CLEC9A: variants seen among roughly 807,000 people sequenced by gnomAD.
CLEC9A encodes C-type lectin domain containing 9A, also known as C-type lectin domain family 9 member A.
A neutral mutation model predicts 30.0 loss-of-function variants in CLEC9A; 24 were observed. The ratio of observed to expected loss-of-function variants is 0.80; its 90% CI spans 0.58 to 1.13. CLEC9A has a LOEUF of 1.13. CLEC9A is among the 50% of genes most tolerant of loss of function. CLEC9A has a pLI of 0.00. For synonymous variants in CLEC9A, 111 were observed against 96.8 expected, an observed-to-expected ratio of 1.15 and a Z score of -0.86; for missense variants, 251 against 280.9, an observed-to-expected ratio of 0.89 and a Z score of 0.76.
At position 10,065,686 on chromosome 12, in the gene CLEC9A, G is replaced by A; in HGVS notation, c.*54G>A. The A allele has an allele frequency of 1.3e-6, 2 of 1,584,560 alleles. No homozygotes were observed. Among genetic ancestry groups the A allele is most frequent in the East Asian group, 2.3e-5 (1 of 43,850 alleles). On this transcript the variant is annotated 3_prime_UTR_variant, in exon 9 of 9. Coordinates refer to ENST00000355819, the MANE Select transcript of CLEC9A (RefSeq NM_207345.4). ...CACTGTTATTTGGAGCATGCCATTG[G>A]AAAACCCACCCCCACCCCCCCTCAA...
rs1866040203 is a variant in CLEC9A, at chr12:10,065,715, A to T, written c.*83A>T. 1 of 1,525,676 alleles carries T rather than the reference A, an allele frequency of 6.6e-7. No individual in the cohort carries two copies. Among genetic ancestry groups the T allele is most frequent in the African/African-American group, 1.4e-5 (1 of 71,850 alleles). The allele number at this position is 1,525,676 out of a possible 1,614,324, so 94.5% of individuals were successfully genotyped here. On this transcript the variant is annotated 3_prime_UTR_variant, in exon 9 of 9. Coordinates refer to ENST00000355819, the MANE Select transcript of CLEC9A (RefSeq NM_207345.4). ...ACCCACCCCCACCCCCCCTCAAAAAAACAGAACAGTAAACCAAAATGTGGG... is the reference window on the plus strand; with the variant it reads ...ACCCACCCCCACCCCCCCTCAAAAATACAGAACAGTAAACCAAAATGTGGG...
At chr12:10,057,976 G>T (rs886822972) in intron 5 of CLEC9A, among the ~76,000 whole-genome samples, 13 of 151,904 alleles carry the variant, frequency 8.6e-5, no homozygotes, top group African/African-American at 2.9e-4. Flanking sequence ...AATTTTATTT[G>T]GGGGACGTTA....
intron 7 of CLEC9A, 73 bp downstream of exon 7, chr12:10,063,279 C>A (rs1778641425): frequency 7.5e-7 from 1 of 1,336,788 alleles, no homozygotes; most frequent in Admixed American, 3.0e-5. Flanking sequence ...CCCTCATTCT[C>A]ATAAGACAAA....
chr12:10,050,240 G>A (rs569247833), intron 2 of CLEC9A, among the ~76,000 whole-genome samples: 43 of 152,280 alleles, frequency 2.8e-4, no homozygotes, highest in African/African-American at 8.9e-4. Flanking sequence ...AAAGATCACC[G>A]TAACAGGTAA....
intron 5 of CLEC9A, among the ~76,000 whole-genome samples, chr12:10,058,492 C>T (rs1865962653): frequency 6.6e-6 from 1 of 152,170 alleles, no homozygotes; most frequent in African/African-American, 2.4e-5. Context: ...ATTTTCTTCT[C>T]AGCAGCAATG....
In CLEC9A at chr12:10,061,282, T is replaced by A. The variant is rs1591894879; in HGVS notation, c.319+9T>A. On this transcript the variant is annotated intron_variant, in intron 6 of 8. Coordinates refer to ENST00000355819, the MANE Select transcript of CLEC9A (RefSeq NM_207345.4). ...AAACTCATTAAGTTCAGGTAATGGATAAAAATCAGTTTCCACTGTATACAT... is the reference window on the plus strand; with the variant it reads ...AAACTCATTAAGTTCAGGTAATGGAAAAAAATCAGTTTCCACTGTATACAT... 2 of 1,603,526 alleles carry A rather than the reference T, an allele frequency of 1.2e-6. No homozygotes were observed. The highest frequency in any genetic ancestry group is 1.7e-6 in the Non-Finnish European group (2 of 1,176,656).
At chr12:10,036,654 T>C (rs147408042) in intron 1 of CLEC9A, among the ~76,000 whole-genome samples, 41 of 152,374 alleles carry the variant, frequency 2.7e-4, no homozygotes, top group African/African-American at 8.4e-4. Context: ...TTTCAATTCT[T>C]ACTGCATGTA....
At chr12:10,062,622 T>C (rs1866007510) in intron 6 of CLEC9A, among the ~76,000 whole-genome samples, 1 of 152,202 alleles carries the variant, frequency 6.6e-6, no homozygotes, top group Non-Finnish European at 1.5e-5. Context: ...TCTCAGAATT[T>C]AAACATAAAT....
intron 6 of CLEC9A, 107 bp from the exon 7 acceptor site, chr12:10,062,948 G>C (rs964415019): frequency 1.1e-6 from 1 of 877,560 alleles, no homozygotes; most frequent in Non-Finnish European, 1.7e-6. Context: ...GGACCATTAC[G>C]TTATGAGATT....
chr12:10,041,261 A>C (rs956321510), intron 1 of CLEC9A, among the ~76,000 whole-genome samples: 2 of 152,004 alleles, frequency 1.3e-5, no homozygotes, highest in African/African-American at 2.4e-5. Flanking sequence ...ACAACAACAA[A>C]AACAAAAAAC....
intron 5 of CLEC9A, among the ~76,000 whole-genome samples, chr12:10,058,603 G>T (rs1865964413): frequency 2.0e-5 from 3 of 152,178 alleles, no homozygotes. Flanking sequence ...AGAGTGCAGG[G>T]TTATGATCTC....
rs542631493 is a variant in CLEC9A at position 10,030,788 on chromosome 12, G to A, written c.-502G>A. 4 of 152,294 alleles carry A rather than the reference G, an allele frequency of 2.6e-5. No homozygotes were observed. Among genetic ancestry groups the A allele is most frequent in the East Asian group, 3.9e-4 (2 of 5,184 alleles). 9.4% of individuals were successfully genotyped at this position (152,294 alleles called of 1,614,324 possible). Reference sequence around the variant, plus strand: ...CTCGCAAGCTCTTGTGAAGCACAACGGCCTACCTTGTCCTGAAGAAAACAT... The same window carrying A: ...CTCGCAAGCTCTTGTGAAGCACAACAGCCTACCTTGTCCTGAAGAAAACAT... On this transcript the variant is annotated 5_prime_UTR_variant, in exon 1 of 9. Coordinates refer to ENST00000355819, the MANE Select transcript of CLEC9A (RefSeq NM_207345.4).
chr12:10,060,370 A>G (rs1865985902), intron 5 of CLEC9A, among the ~76,000 whole-genome samples: 1 of 152,244 alleles, frequency 6.6e-6, no homozygotes, highest in Non-Finnish European at 1.5e-5. Flanking sequence ...TCTACTCAAC[A>G]ATACAAAATA....
intron 1 of CLEC9A, among the ~76,000 whole-genome samples, chr12:10,039,273 C>T (rs1474203500): frequency 6.6e-6 from 1 of 152,102 alleles, no homozygotes; most frequent in Non-Finnish European, 1.5e-5. Flanking sequence ...ACCGAAGGGT[C>T]ATGGCATATC....
rs1865842055 is a variant in CLEC9A at position 10,045,926 on chromosome 12, CAT to C, written c.-163+4310_-163+4311del. Among the ~76,000 whole-genome samples, 4 of 152,230 alleles carry C rather than the reference CAT, an allele frequency of 2.6e-5. No individual in the cohort carries two copies. The South Asian group carries it at 6.2e-4, about 24-fold the overall frequency. ...GATTTACTGCATCTTCATATATACA[CAT>C]ATAAGATTAAAATCAGGACAATATA... On this transcript the variant is annotated intron_variant, in intron 2 of 8. Transcript: ENST00000355819.
In CLEC9A at chr12:10,046,745, GAC is replaced by G. The variant is rs760303508; in HGVS notation, c.-163+5131_-163+5132del. ...TGCTGACGTTAGTGGGAAGGCTGAG[GAC>G]ACACAGAGACGTGGGTTTTTACAAG... On this transcript the variant is annotated intron_variant, in intron 2 of 8. Coordinates refer to ENST00000355819, the MANE Select transcript of CLEC9A (RefSeq NM_207345.4). Among the ~76,000 whole-genome samples, 14 of 152,282 alleles carry G rather than the reference GAC, an allele frequency of 9.2e-5. No individual in the cohort carries two copies. The East Asian group carries it at 1.7e-3, about 19-fold the overall frequency.
chr12:10,057,681 A>T (rs1376394936), intron 5 of CLEC9A, among the ~76,000 whole-genome samples: 7 of 151,972 alleles, frequency 4.6e-5, no homozygotes, highest in African/African-American at 1.7e-4. Flanking sequence ...TATATAAAAT[A>T]CTTTTCTATA....
At chr12:10,047,443 A>G (rs926584846) in intron 2 of CLEC9A, among the ~76,000 whole-genome samples, 4 of 152,096 alleles carry the variant, frequency 2.6e-5, no homozygotes, top group African/African-American at 9.7e-5. Flanking sequence ...TCATATCTAA[A>G]GCATCTTACA....
intron 2 of CLEC9A, among the ~76,000 whole-genome samples, chr12:10,050,647 G>A (rs1865885570): frequency 6.6e-6 from 1 of 152,138 alleles, no homozygotes; most frequent in Non-Finnish European, 1.5e-5. Flanking sequence ...AATTTATCAG[G>A]GAATGTTCTA....
Sources: gnomAD v4.1 joint callset for allele counts (sites outside exome capture counted in the v4.1 genomes callset) on GRCh38, gnomAD v4.1.1 for gene constraint, MANE v1.5 for transcripts, NCBI Gene and HGNC (gene_info 2026-07-23, HGNC 2026-07-21) for gene names.